Variants in SETD5 observed in about 807,000 individuals in gnomAD.
SETD5 encodes histone-lysine N-methyltransferase SETD5.
SETD5 carries 44 observed loss-of-function variants against 153.3 expected under a neutral mutation model. That is an observed-to-expected ratio of 0.29 (90% CI 0.23 to 0.37). The LOEUF (loss-of-function observed/expected upper bound fraction) is 0.37. Ranked by LOEUF, SETD5 falls within the 10% of genes least tolerant of loss-of-function variation. SETD5 has a pLI of 1.00. For missense variants in SETD5, 1,544 were observed against 1,768.0 expected, an observed-to-expected ratio of 0.87 and a Z score of 2.27; for synonymous variants, 716 against 645.2, an observed-to-expected ratio of 1.11 and a Z score of -1.66.
intron 20 of SETD5, among the ~76,000 whole-genome samples, chr3:9,473,914 T>C (rs1355566719): frequency 1.3e-5 from 2 of 152,238 alleles, no homozygotes; most frequent in Non-Finnish European, 2.9e-5. Context: ...TCCACACAGC[T>C]AGCATATACA....
Position 9,477,845 on chromosome 3 carries a change from C to T in SETD5, c.*1754C>T, listed in dbSNP as rs1316259643. On this transcript the variant is annotated 3_prime_UTR_variant, in exon 23 of 23. Transcript: ENST00000402198. ...TTATATAAAACGTATGTAAATGTCT[C>T]TCCATTTGGGCTGGGGTTTGCATTC... 2 of 152,344 alleles carry T rather than the reference C, an allele frequency of 1.3e-5. No individual in the cohort carries two copies. The highest frequency in any genetic ancestry group is 2.9e-5 in the Non-Finnish European group (2 of 68,012). 9.4% of individuals were successfully genotyped at this position (152,344 alleles called of 1,614,324 possible).
intron 19 of SETD5, 47 bp downstream of exon 19, chr3:9,470,976 A>G (rs1302379296): frequency 9.8e-7 from 1 of 1,018,274 alleles, no homozygotes; most frequent in Non-Finnish European, 1.4e-6. Context: ...AATGTTAACC[A>G]AGTAGTTTAG....
intron 7 of SETD5, among the ~76,000 whole-genome samples, chr3:9,439,445 T>C (rs1336397292): frequency 6.6e-6 from 1 of 152,228 alleles, no homozygotes; most frequent in Non-Finnish European, 1.5e-5. Flanking sequence ...ATATTTAATT[T>C]TATTGTACCT....
chr3:9,416,015 G>A (rs2037366904), intron 1 of SETD5, among the ~76,000 whole-genome samples: 2 of 151,912 alleles, frequency 1.3e-5, no homozygotes, highest in Non-Finnish European at 2.9e-5. Context: ...TGGGACTATA[G>A]GTGTGCACCA....
chr3:9,448,701 TATC>T (rs1457128314), intron 16 of SETD5, 71 bp downstream of exon 16: 6 of 1,378,464 alleles, frequency 4.4e-6, no homozygotes, highest in East Asian at 2.5e-5. Context: ...CTAAGATTCC[TATC>T]ATCATGACAT....
intron 17 of SETD5, among the ~76,000 whole-genome samples, chr3:9,458,785 A>G (rs1472339170): frequency 1.3e-5 from 2 of 152,140 alleles, no homozygotes; most frequent in Non-Finnish European, 2.9e-5. Flanking sequence ...AATATTCATA[A>G]TCCTTAACCT....
At chr3:9,400,773 T>G (rs2034638941) in intron 1 of SETD5, among the ~76,000 whole-genome samples, 1 of 152,170 alleles carries the variant, frequency 6.6e-6, no homozygotes, top group Non-Finnish European at 1.5e-5. Flanking sequence ...AGAAATCGAA[T>G]AAGTCTAGTT....
chr3:9,468,687 G>A, intron 18 of SETD5: 1 of 940,932 alleles, frequency 1.1e-6, no homozygotes, highest in South Asian at 1.4e-5. Flanking sequence ...GTGATGGGCT[G>A]GAGGGCGGCC....
At chr3:9,459,340 G>T (rs1367592112) in intron 17 of SETD5, among the ~76,000 whole-genome samples, 1 of 152,090 alleles carries the variant, frequency 6.6e-6, no homozygotes, top group African/African-American at 2.4e-5. Flanking sequence ...ACTTGTAATG[G>T]AGTATCATAT....
At chr3:9,420,308 C>G (rs993226691) in intron 1 of SETD5, among the ~76,000 whole-genome samples, 4 of 152,102 alleles carry the variant, frequency 2.6e-5, no homozygotes, top group Non-Finnish European at 1.5e-5. Context: ...CTCTTCTGCT[C>G]CACATACTAC....
chr3:9,469,495 A>G (rs2045044841), intron 18 of SETD5, among the ~76,000 whole-genome samples: 1 of 152,216 alleles, frequency 6.6e-6, no homozygotes, highest in South Asian at 2.1e-4. Flanking sequence ...AATCAGTAGT[A>G]GTTCACAGGT....
chr3:9,474,806 G>A, intron 21 of SETD5: 3 of 642,466 alleles, frequency 4.7e-6, no homozygotes, highest in South Asian at 4.2e-5. Flanking sequence ...ATACCTTTCT[G>A]TAACTCTCAT....
intron 17 of SETD5, among the ~76,000 whole-genome samples, chr3:9,455,141 A>G (rs1016211690): frequency 2.7e-5 from 4 of 148,278 alleles, no homozygotes; most frequent in Admixed American, 2.7e-4. Context: ...ATTTCAGAAA[A>G]CGTGAATTGC....
chr3:9,441,593 T>C lies in SETD5; in HGVS notation c.811T>C (p.Leu271=). 1 of 1,613,846 alleles carries C rather than the reference T, an allele frequency of 6.2e-7. No homozygotes were observed. The highest frequency in any genetic ancestry group is 8.5e-7 in the Non-Finnish European group (1 of 1,179,758). ...NNTVIGSQMQ[L]QLGRVTRVQK... ...ATGTTATTGCTCTGGTTTTATTCAGTTACAGCTGGGAAGAGTCACTCGTGT... is the reference window on the plus strand; with the variant it reads ...ATGTTATTGCTCTGGTTTTATTCAGCTACAGCTGGGAAGAGTCACTCGTGT... The change falls in exon 9 of 23, where the codon TTA becomes CTA. Residue 271 remains leucine (L), a splice_region_variant and synonymous_variant. Transcript: ENST00000402198.
chr3:9,422,021 T>C (rs1460638760), intron 1 of SETD5, among the ~76,000 whole-genome samples: 1 of 152,190 alleles, frequency 6.6e-6, no homozygotes, highest in African/African-American at 2.4e-5. Flanking sequence ...TTATACAGGA[T>C]CTTTTATTTA....
rs771249741 is a variant in SETD5, at chr3:9,475,901, C to T, written c.4139C>T (p.Ser1380Leu). The T allele has an allele frequency of 6.8e-6, 11 of 1,613,994 alleles. No homozygotes were observed. Among genetic ancestry groups the T allele is most frequent in the Non-Finnish European group, 9.3e-6 (11 of 1,179,890 alleles). Residue 1380 changes from serine (S) to leucine (L), a missense_variant, in exon 23 of 23, where the codon TCG (serine) becomes TTG (leucine). By Grantham distance (145) the Ser-to-Leu change is moderately radical (BLOSUM62 -2). Around this residue, in one of 9 missense-constraint regions of SETD5, gnomAD observed 302 missense variants for 277.6 expected, o/e 1.09. Coordinates refer to ENST00000402198, the MANE Select transcript of SETD5 (RefSeq NM_001080517.3). ...SSTSFPQNSR[S>L]SLPSDLRTIS... ...ACCTCCTTTCCTCAGAACTCTAGGTCGTCATTGCCATCAGACTTACGGACT... is the reference window on the plus strand; with the variant it reads ...ACCTCCTTTCCTCAGAACTCTAGGTTGTCATTGCCATCAGACTTACGGACT...
In SETD5 at chr3:9,445,211, A is replaced by G; in HGVS notation, c.1351A>G (p.Met451Val). 2 of 1,613,580 alleles carry G rather than the reference A, an allele frequency of 1.2e-6. No individual in the cohort carries two copies. Among genetic ancestry groups the G allele is most frequent in the South Asian group, 1.1e-5 (1 of 91,010 alleles). Reference sequence around the variant, plus strand: ...AAAAGCACGACGGAAAGAGCTAGAGATGGAGCAGCAGAATGAGGCTTCAGA... The same window carrying G: ...AAAAGCACGACGGAAAGAGCTAGAGGTGGAGCAGCAGAATGAGGCTTCAGA... The part of the protein sequence containing the change: ...RRKARRKELE[M>V]EQQNEASEEN... The change falls in exon 12 of 23, where the codon ATG becomes GTG. Residue 451 changes from methionine (M) to valine (V), a missense_variant. Physicochemically the swap from Met to Val is conservative, Grantham distance 21 (BLOSUM62 1). This residue lies in a region of SETD5 where 782 missense variants were observed against 787.2 expected (regional missense o/e 0.99). Coordinates refer to ENST00000402198, the MANE Select transcript of SETD5 (RefSeq NM_001080517.3).
chr3:9,430,311 A>T (rs1179520189), intron 3 of SETD5: 1 of 983,002 alleles, frequency 1.0e-6, no homozygotes, highest in East Asian at 1.1e-4. Context: ...ATAGTATATA[A>T]TATTCTGGGG....
At chr3:9,428,407 A>G (rs1019758277) in intron 2 of SETD5, among the ~76,000 whole-genome samples, 1 of 152,200 alleles carries the variant, frequency 6.6e-6, no homozygotes, top group Non-Finnish European at 1.5e-5. Flanking sequence ...GTGGCCTAGG[A>G]AAAAAACTTA....
Sources: allele counts gnomAD v4.1 joint callset (sites outside exome capture counted in the v4.1 genomes callset), GRCh38; gene constraint gnomAD v4.1.1; regional missense constraint gnomAD v4.1.1; transcripts MANE v1.5; gene names NCBI Gene and HGNC (gene_info 2026-07-23, HGNC 2026-07-21).